Variants in SYT16 observed in about 807,000 individuals in gnomAD.
The protein encoded by SYT16 is synaptotagmin 16.
Under a neutral mutation model 61.4 loss-of-function variants are expected in SYT16, and 42 were observed. The observed-to-expected ratio is 0.68, with a 90% CI of 0.53 to 0.89. The LOEUF is 0.89. Among genes scored for constraint, SYT16 ranks in the 40% least tolerant of loss-of-function variants. The probability of loss-of-function intolerance (pLI) is 0.00; values close to 1 mark genes in which losing one functional copy is unlikely to be tolerated. For missense variants in SYT16, 804 were observed against 807.3 expected, an observed-to-expected ratio of 1.00 and a Z score of 0.05; for synonymous variants, 314 against 302.3, an observed-to-expected ratio of 1.04 and a Z score of -0.40.
chr14:62,057,442 G>T (rs966807539), intron 3 of SYT16, among the ~76,000 whole-genome samples: 1 of 152,096 alleles, frequency 6.6e-6, no homozygotes, highest in African/African-American at 2.4e-5. Flanking sequence ...GAGACATGGG[G>T]GTAGGGTCGG....
At chr14:61,876,140 T>A (rs2047483675) in intron 1 of SYT16, among the ~76,000 whole-genome samples, 1 of 152,238 alleles carries the variant, frequency 6.6e-6, no homozygotes, top group African/African-American at 2.4e-5. Context: ...CAATAGGGCA[T>A]CTTCCTGAAT....
In SYT16 at chr14:61,947,830, G is replaced by T. The variant is rs368215487; in HGVS notation, c.-324-22302G>T. Among the ~76,000 whole-genome samples, 68 of 152,278 alleles carry T rather than the reference G, an allele frequency of 4.5e-4. 1 individual carries two copies. In the South Asian group the frequency reaches 0.014, roughly 32 times the overall value. On this transcript the variant is annotated intron_variant, in intron 1 of 7. Coordinates refer to ENST00000683842, the MANE Select transcript of SYT16 (RefSeq NM_001367656.1). Reference sequence around the variant, plus strand: ...TGCAAAGGGTGCATTCATCCCTTCTGCCAGGTGGGACTTGGATAGGCTTTG... The same window carrying T: ...TGCAAAGGGTGCATTCATCCCTTCTTCCAGGTGGGACTTGGATAGGCTTTG...
intron 1 of SYT16, among the ~76,000 whole-genome samples, chr14:61,819,377 G>T (rs1309844756): frequency 6.6e-6 from 1 of 152,110 alleles, no homozygotes; most frequent in Non-Finnish European, 1.5e-5. Context: ...TATCTGAAGT[G>T]CATATTACAA....
intron 5 of SYT16, among the ~76,000 whole-genome samples, chr14:62,078,761 A>G (rs946131925): frequency 1.3e-5 from 2 of 152,246 alleles, no homozygotes; most frequent in South Asian, 2.1e-4. Context: ...ATTGGTGTCA[A>G]GCAGGGTTCT....
intron 1 of SYT16, among the ~76,000 whole-genome samples, chr14:61,869,799 G>A (rs1268398413): frequency 2.6e-5 from 4 of 152,174 alleles, no homozygotes; most frequent in South Asian, 2.1e-4. Flanking sequence ...TGCCATGTGA[G>A]GTTATGAAGA....
intron 1 of SYT16, among the ~76,000 whole-genome samples, chr14:61,827,156 C>T (rs1287224949): frequency 6.6e-6 from 1 of 152,222 alleles, no homozygotes; most frequent in Admixed American, 6.5e-5. Context: ...AGTCCTCTGG[C>T]TTCATTGTTG....
In SYT16 at chr14:62,100,592, G is replaced by T; in HGVS notation, c.1823G>T (p.Gly608Val). The change falls in exon 8 of 8, where the codon GGC (glycine) becomes GTC (valine). Residue 608 changes from glycine to valine, a missense_variant. Coordinates refer to ENST00000683842, the MANE Select transcript of SYT16 (RefSeq NM_001367656.1). ...ACTATGAAGCGTAAAGAGATGATTG[G>T]CTGGATTGCCCTGGGCCAGAACAGC... ...RRTMKRKEMI[G>V]WIALGQNSSG... The T allele has an allele frequency of 6.2e-7, 1 of 1,613,774 alleles. No individual in the cohort carries two copies. Among genetic ancestry groups the T allele is most frequent in the Non-Finnish European group, 8.5e-7 (1 of 1,179,820 alleles).
chr14:61,904,036 A>G (rs1322931340), intron 1 of SYT16, among the ~76,000 whole-genome samples: 2 of 152,130 alleles, frequency 1.3e-5, no homozygotes, highest in Non-Finnish European at 2.9e-5. Flanking sequence ...CAAACGCCCA[A>G]TCACTCCTTT....
chr14:61,978,317 CTT>C (rs954298399), intron 2 of SYT16, among the ~76,000 whole-genome samples: 2 of 152,130 alleles, frequency 1.3e-5, no homozygotes, highest in African/African-American at 4.8e-5. Context: ...GCAAGATTCT[CTT>C]TTCTCAATTT....
At chr14:61,987,481 G>A (rs2052363306) in intron 2 of SYT16, among the ~76,000 whole-genome samples, 1 of 152,122 alleles carries the variant, frequency 6.6e-6, no homozygotes, top group Non-Finnish European at 1.5e-5. Context: ...CTGTTGAAGT[G>A]GTTCAGTTAG....
At chr14:61,986,687 T>C (rs2052331806) in intron 2 of SYT16, among the ~76,000 whole-genome samples, 1 of 152,092 alleles carries the variant, frequency 6.6e-6, no homozygotes, top group Admixed American at 6.6e-5. Flanking sequence ...CTTTCATAGA[T>C]TTGAATGTGG....
chr14:61,813,862 C>G (rs2045346299), intron 1 of SYT16, among the ~76,000 whole-genome samples: 1 of 142,370 alleles, frequency 7.0e-6, no homozygotes, highest in Non-Finnish European at 1.5e-5. Flanking sequence ...AATGAGATGT[C>G]AAAATTTCTG....
intron 2 of SYT16, among the ~76,000 whole-genome samples, chr14:61,988,251 G>GAATT (rs2052402052): frequency 2.0e-5 from 3 of 152,088 alleles, no homozygotes; most frequent in Non-Finnish European, 4.4e-5. Flanking sequence ...TAGTCTAATA[G>GAATT]AATTCATTCT....
At position 61,916,349 on chromosome 14, in the gene SYT16, C is replaced by G. The variant is rs529461333; in HGVS notation, c.-324-53783C>G. ...GTGAAGAAAATAAATTTCCATTTCA[C>G]AAATGCATTGTATGTGCAGTCTTTT... On this transcript the variant is annotated intron_variant, in intron 1 of 7. Coordinates refer to ENST00000683842, the MANE Select transcript of SYT16 (RefSeq NM_001367656.1). 2.0e-5 allele frequency among the ~76,000 whole-genome samples: 3 copies of G among 152,182 alleles called. No homozygotes were observed. The East Asian group carries it at 5.8e-4, about 29-fold the overall frequency.
chr14:61,985,208 G>A (rs1026668258), intron 2 of SYT16, among the ~76,000 whole-genome samples: 3 of 152,156 alleles, frequency 2.0e-5, no homozygotes, highest in African/African-American at 7.2e-5. Flanking sequence ...AGTCACTTCA[G>A]TAATGAACAA....
chr14:61,898,757 G>C (rs2048412461), intron 1 of SYT16, among the ~76,000 whole-genome samples: 1 of 152,136 alleles, frequency 6.6e-6, no homozygotes, highest in South Asian at 2.1e-4. Context: ...TCTGCTCAGA[G>C]TGTGCCAACA....
At chr14:61,883,779 A>G (rs1352476150) in intron 1 of SYT16, among the ~76,000 whole-genome samples, 1 of 152,224 alleles carries the variant, frequency 6.6e-6, no homozygotes, top group Non-Finnish European at 1.5e-5. Context: ...TATAAAGGAA[A>G]GAGATTTAAC....
chr14:61,974,586 A>G (rs201006813), intron 2 of SYT16, among the ~76,000 whole-genome samples: 2 of 152,326 alleles, frequency 1.3e-5, no homozygotes, highest in East Asian at 3.9e-4. Flanking sequence ...ACAGTGCATC[A>G]TGTTAAATAA....
chr14:61,832,419 G>C (rs967444315), intron 1 of SYT16: 2 of 470,096 alleles, frequency 4.3e-6, no homozygotes, highest in Non-Finnish European at 8.4e-6. Context: ...GGTGTCCCGC[G>C]ACCCCAGTAG....
Sources: gnomAD v4.1 joint callset for allele counts (sites outside exome capture counted in the v4.1 genomes callset) on GRCh38, gnomAD v4.1.1 for gene constraint, MANE v1.5 for transcripts, NCBI Gene and HGNC (gene_info 2026-07-23, HGNC 2026-07-21) for gene names.